Variants in VPS13B observed in about 807,000 individuals in gnomAD.
The protein encoded by VPS13B is intermembrane lipid transfer protein VPS13B.
A neutral mutation model predicts 426.4 loss-of-function variants in VPS13B; 285 were observed. The ratio of observed to expected loss-of-function variants is 0.67; its 90% CI spans 0.61 to 0.74. The LOEUF (loss-of-function observed/expected upper bound fraction) is 0.74. VPS13B is among the 30% of genes least tolerant of loss of function. The pLI is 0.00. For synonymous variants in VPS13B, 1,676 were observed against 1,676.4 expected (o/e 1.00, Z 0.01); for missense variants, 4,537 against 4,782.6 (o/e 0.95, Z 1.51).
intron 39 of VPS13B, 137 bp downstream of exon 39, chr8:99,721,184 G>T: frequency 1.1e-6 from 1 of 909,454 alleles, no homozygotes; most frequent in Non-Finnish European, 1.8e-6. Flanking sequence ...TGTGTGGTGT[G>T]TGTGTATCCA....
chr8:99,592,731 A>G (rs894035361), intron 33 of VPS13B, among the ~76,000 whole-genome samples: 1 of 152,134 alleles, frequency 6.6e-6, no homozygotes, highest in Admixed American at 6.6e-5. Flanking sequence ...GACCAATGAA[A>G]CAGAATAGAG....
chr8:99,766,205 G>A (rs979856186), intron 39 of VPS13B, among the ~76,000 whole-genome samples: 2 of 147,374 alleles, frequency 1.4e-5, no homozygotes, highest in Non-Finnish European at 3.0e-5. Context: ...TCAGCCTCCC[G>A]AGTAGCTGGG....
At chr8:99,749,629 A>G (rs768819014) in intron 39 of VPS13B, among the ~76,000 whole-genome samples, 1 of 151,866 alleles carries the variant, frequency 6.6e-6, no homozygotes, top group Non-Finnish European at 1.5e-5. Context: ...CATTTTCTTT[A>G]TCTGTTCATC....
At chr8:99,345,883 C>T (rs117864420) in intron 19 of VPS13B, among the ~76,000 whole-genome samples, 2,025 of 152,232 alleles carry the variant, frequency 0.013, 27 homozygotes, top group South Asian at 0.056. Flanking sequence ...TCAAGGGAGG[C>T]GAGGGCAGGG....
At chr8:99,387,819 G>A (rs541244736) in intron 20 of VPS13B, among the ~76,000 whole-genome samples, 1 of 152,226 alleles carries the variant, frequency 6.6e-6, no homozygotes, top group East Asian at 1.9e-4. Flanking sequence ...TGTTGTGAGT[G>A]AAAATTTGAT....
At chr8:99,295,829 C>A (rs575569114) in intron 19 of VPS13B, among the ~76,000 whole-genome samples, 1 of 152,168 alleles carries the variant, frequency 6.6e-6, no homozygotes, top group African/African-American at 2.4e-5. Flanking sequence ...GAATTTGAGG[C>A]CAACCTAAAC....
At chr8:99,141,300 A>C (rs1810407064) in intron 12 of VPS13B, among the ~76,000 whole-genome samples, 1 of 152,166 alleles carries the variant, frequency 6.6e-6, no homozygotes. Context: ...CATTATATTC[A>C]GTTTTCATTA....
chr8:99,870,656 T>C (rs1817350146), intron 59 of VPS13B, 129 bp from the exon 60 acceptor site: 2 of 809,030 alleles, frequency 2.5e-6, no homozygotes, highest in East Asian at 5.1e-5. Flanking sequence ...ATACGCTTGC[T>C]TCCAAAGATG....
At chr8:99,294,947 T>C (rs563963827) in intron 19 of VPS13B, among the ~76,000 whole-genome samples, 48 of 152,306 alleles carry the variant, frequency 3.2e-4, no homozygotes, top group African/African-American at 1.1e-3. Flanking sequence ...TGGATGACAT[T>C]GATGATCCTA....
At chr8:99,618,248 A>G (rs1828191204) in intron 33 of VPS13B, among the ~76,000 whole-genome samples, 1 of 147,856 alleles carries the variant, frequency 6.8e-6, no homozygotes, top group Non-Finnish European at 1.5e-5. Flanking sequence ...CTATTAATGT[A>G]TTTCCTTTAT....
intron 23 of VPS13B, among the ~76,000 whole-genome samples, chr8:99,460,697 A>T (rs922178165): frequency 3.9e-5 from 6 of 151,980 alleles, no homozygotes; most frequent in African/African-American, 1.2e-4. Context: ...TTTGAAGGAT[A>T]GTTTTGCTGG....
At chr8:99,858,358 G>A (rs1318699473) in intron 56 of VPS13B, among the ~76,000 whole-genome samples, 1 of 152,228 alleles carries the variant, frequency 6.6e-6, no homozygotes, top group Non-Finnish European at 1.5e-5. Flanking sequence ...CGGCTGAGTG[G>A]CAGGCCAGCT....
chr8:99,196,113 C>T (rs780781198), intron 17 of VPS13B, among the ~76,000 whole-genome samples: 23 of 151,828 alleles, frequency 1.5e-4, no homozygotes, highest in Non-Finnish European at 2.9e-4. Context: ...TGATAGGGGT[C>T]GCATTGAATT....
chr8:99,212,585 GAT>G (rs1226583502), intron 17 of VPS13B, among the ~76,000 whole-genome samples: 1 of 152,274 alleles, frequency 6.6e-6, no homozygotes, highest in Admixed American at 6.5e-5. Context: ...TCAGAGAACT[GAT>G]AACATTGTGA....
At chr8:99,514,782 T>G (rs951377112) in intron 29 of VPS13B, among the ~76,000 whole-genome samples, 9 of 152,124 alleles carry the variant, frequency 5.9e-5, no homozygotes, top group African/African-American at 2.2e-4. Flanking sequence ...CTGTTTTCAG[T>G]TTTTTTGGGG....
At position 99,876,041 on chromosome 8, in the gene VPS13B, T is replaced by C. The variant is rs578241940; in HGVS notation, c.*375T>C. The C allele has an allele frequency of 6.1e-5, 15 of 245,918 alleles. No homozygotes were observed. Among genetic ancestry groups the C allele is most frequent in the Non-Finnish European group, 1.1e-4 (14 of 127,296 alleles). 15.2% of individuals were successfully genotyped at this position (245,918 alleles called of 1,614,324 possible). Reference sequence around the variant, plus strand: ...GTTCTTACCACATACAGAGGATGCATTTATTTTTGCTCTATGACACTTGCA... The same window carrying C: ...GTTCTTACCACATACAGAGGATGCACTTATTTTTGCTCTATGACACTTGCA... On this transcript the variant is annotated 3_prime_UTR_variant, in exon 62 of 62. Coordinates refer to ENST00000357162, the MANE Select transcript of VPS13B (RefSeq NM_152564.5).
At chr8:99,478,711 A>T (rs1365710139) in intron 24 of VPS13B, among the ~76,000 whole-genome samples, 1 of 150,934 alleles carries the variant, frequency 6.6e-6, no homozygotes, top group Non-Finnish European at 1.5e-5. Context: ...GGCCTCCCAA[A>T]GTGCTGGGAT....
chr8:99,222,615 G>T (rs1815786520), intron 17 of VPS13B, among the ~76,000 whole-genome samples: 1 of 152,142 alleles, frequency 6.6e-6, no homozygotes, highest in South Asian at 2.1e-4. Context: ...AAAACCAGTG[G>T]ATTTTAAAAA....
chr8:99,822,447 G>T (rs941811224), intron 50 of VPS13B, among the ~76,000 whole-genome samples: 1 of 152,130 alleles, frequency 6.6e-6, no homozygotes, highest in African/African-American at 2.4e-5. Context: ...CTGTAACATG[G>T]GTGTAAATGG....
Sources: allele counts gnomAD v4.1 joint callset (sites outside exome capture counted in the v4.1 genomes callset), GRCh38; gene constraint gnomAD v4.1.1; transcripts MANE v1.5; gene names NCBI Gene and HGNC (gene_info 2026-07-23, HGNC 2026-07-21).